ATP6V1E2: variants seen among roughly 807,000 people sequenced by gnomAD.
ATP6V1E2 encodes V-type proton ATPase subunit E 2.
For missense variants in ATP6V1E2, 308 were observed against 273.3 expected (o/e 1.13, Z -0.90); for synonymous variants, 121 against 104.2 (o/e 1.16, Z -0.98).
intron 4 of ATP6V1E2, among the ~76,000 whole-genome samples, chr2:46,529,822 G>T (rs1036020146): frequency 1.3e-5 from 2 of 152,006 alleles, no homozygotes; most frequent in Admixed American, 6.6e-5. Context: ...GAATGATTTG[G>T]GTGGTGAGGA....
At chr2:46,514,107 C>G (rs1220303601) in intron 4 of ATP6V1E2, among the ~76,000 whole-genome samples, 2 of 151,756 alleles carry the variant, frequency 1.3e-5, no homozygotes, top group Non-Finnish European at 2.9e-5. Context: ...TGGTGAAATC[C>G]CATCTCTACT....
At chr2:46,539,547 T>C (rs1004995725) in intron 2 of ATP6V1E2, among the ~76,000 whole-genome samples, 3 of 152,272 alleles carry the variant, frequency 2.0e-5, no homozygotes, top group Admixed American at 6.5e-5. Flanking sequence ...GCCTTTGGCC[T>C]TTGTACAGTG....
chr2:46,520,689 T>C (rs967917385), intron 4 of ATP6V1E2, among the ~76,000 whole-genome samples: 1 of 152,226 alleles, frequency 6.6e-6, no homozygotes, highest in Non-Finnish European at 1.5e-5. Context: ...GTTTTCCAGA[T>C]ACAATTCAGA....
At position 46,530,621 on chromosome 2, in the gene ATP6V1E2, T is replaced by C. The variant is rs1480933623; in HGVS notation, c.-102+5192A>G. Among the ~76,000 whole-genome samples, 1 of 152,212 alleles carries C rather than the reference T, an allele frequency of 6.6e-6. No individual in the cohort carries two copies. Among genetic ancestry groups the C allele is most frequent in the Non-Finnish European group, 1.5e-5 (1 of 68,036 alleles). ...CAGCTATTCTTTCTTCCTTTTTTCC[T>C]CTTTTCCTGATGTATTAGTTTGTTC... is the stretch of plus-strand genomic sequence containing the variant. On this transcript the variant is annotated intron_variant, in intron 4 of 4. Coordinates refer to ENST00000522587, the MANE Select transcript of ATP6V1E2 (RefSeq NM_001318063.2). The surrounding 1 kb of genome is among the most constrained non-coding windows in gnomAD (Gnocchi z 5.2).
In ATP6V1E2 at chr2:46,511,999, G is replaced by A; in HGVS notation, c.*32C>T. On this transcript the variant is annotated 3_prime_UTR_variant, in exon 5 of 5. Coordinates refer to ENST00000522587, the MANE Select transcript of ATP6V1E2 (RefSeq NM_001318063.2). ...AAAAAACTTAAACTTTTATGGTTTAGTGGTTCAACACTAGCTTCACTTCCC... is the reference window on the plus strand; with the variant it reads ...AAAAAACTTAAACTTTTATGGTTTAATGGTTCAACACTAGCTTCACTTCCC... 1 of 1,525,784 alleles carries A rather than the reference G, an allele frequency of 6.6e-7. No homozygotes were observed. The allele number at this position is 1,525,784 out of a possible 1,614,324, so 94.5% of individuals were successfully genotyped here.
chr2:46,512,891 C>G, intron 4 of ATP6V1E2, 79 bp from the exon 5 acceptor site: 1 of 570,028 alleles, frequency 1.8e-6, no homozygotes. Context: ...ATATACCCCT[C>G]ACTTCACAGA....
chr2:46,520,555 C>G (rs997972900), intron 4 of ATP6V1E2, among the ~76,000 whole-genome samples: 36 of 152,206 alleles, frequency 2.4e-4, no homozygotes, highest in African/African-American at 8.7e-4. Context: ...AGCTTTGGCT[C>G]ATGCTGTTGT....
intron 4 of ATP6V1E2, 142 bp from the exon 5 acceptor site, chr2:46,512,954 A>G (rs1189906497): frequency 4.4e-6 from 2 of 451,368 alleles, no homozygotes; most frequent in African/African-American, 2.0e-5. Flanking sequence ...GTTATACTCT[A>G]GAAGAATGAG....
At position 46,535,952 on chromosome 2, in the gene ATP6V1E2, A is replaced by G. The variant is rs1667422392; in HGVS notation, c.-216-25T>C. 1 of 152,178 alleles carries G rather than the reference A, an allele frequency of 6.6e-6. No homozygotes were observed. The highest frequency in any genetic ancestry group is 2.4e-5 in the African/African-American group (1 of 41,444). 9.4% of individuals were successfully genotyped at this position (152,178 alleles called of 1,614,324 possible). On this transcript the variant is annotated intron_variant, in intron 3 of 4. Transcript: ENST00000522587. The surrounding 1 kb of genome is among the most constrained non-coding windows in gnomAD (Gnocchi z 4.4). ...TCTGAAACATAAAATAAAATCATTAATTTCATTTTTGGAGGAGGGATCTGT... is the reference window on the plus strand; with the variant it reads ...TCTGAAACATAAAATAAAATCATTAGTTTCATTTTTGGAGGAGGGATCTGT...
At chr2:46,536,552 A>T (rs767422051) in intron 3 of ATP6V1E2, 59 bp downstream of exon 3, 6 of 152,358 alleles carry the variant, frequency 3.9e-5, no homozygotes, top group Non-Finnish European at 8.8e-5. Flanking sequence ...GGGAAGAAGC[A>T]TAACATAACA....
At chr2:46,538,693 T>G (rs1193309654) in intron 2 of ATP6V1E2, among the ~76,000 whole-genome samples, 1 of 152,122 alleles carries the variant, frequency 6.6e-6, no homozygotes, top group East Asian at 1.9e-4. Context: ...TTTAGCTATA[T>G]TTCCTTGGAC....
At chr2:46,518,490 A>AACACACACACACACAC (rs10546147) in intron 4 of ATP6V1E2, among the ~76,000 whole-genome samples, 7,509 of 140,774 alleles carry the variant, frequency 0.053, 290 homozygotes, top group Admixed American at 0.084. Context: ...ACACACACAC[A>AACACACACACACACAC]ACACACACAC....
chr2:46,519,903 T>A (rs1377539998), intron 4 of ATP6V1E2: 1 of 152,214 alleles, frequency 6.6e-6, no homozygotes, highest in African/African-American at 2.4e-5. Flanking sequence ...ATTCTAGTCT[T>A]GCCTGTTTGT....
chr2:46,525,052 G>T (rs1485505886), intron 4 of ATP6V1E2, among the ~76,000 whole-genome samples: 1 of 152,164 alleles, frequency 6.6e-6, no homozygotes, highest in East Asian at 1.9e-4. Flanking sequence ...CGAGGGCCAG[G>T]ACACAAGACA....
chr2:46,519,544 C>T (rs1314409533), intron 4 of ATP6V1E2: 1 of 152,306 alleles, frequency 6.6e-6, no homozygotes, highest in Non-Finnish European at 1.5e-5. Context: ...TCGGCGTGGA[C>T]TCTGCAGTCA....
At chr2:46,520,641 T>G (rs1666571321) in intron 4 of ATP6V1E2, among the ~76,000 whole-genome samples, 1 of 152,236 alleles carries the variant, frequency 6.6e-6, no homozygotes, top group African/African-American at 2.4e-5. Context: ...CACCACTCCT[T>G]GATCTCTGGA....
At chr2:46,525,480 A>G (rs1417801537) in intron 4 of ATP6V1E2, among the ~76,000 whole-genome samples, 1 of 148,580 alleles carries the variant, frequency 6.7e-6, no homozygotes, top group Non-Finnish European at 1.5e-5. Context: ...AAAAAAAGAA[A>G]AAAAAAAAAG....
chr2:46,540,429 C>G (rs1367854040), intron 2 of ATP6V1E2, among the ~76,000 whole-genome samples: 3 of 94,348 alleles, frequency 3.2e-5, no homozygotes, highest in African/African-American at 1.4e-4. Context: ...AGAGCAAGAC[C>G]CTATCTCAAA....
intron 4 of ATP6V1E2, among the ~76,000 whole-genome samples, chr2:46,525,417 G>A (rs927285136): frequency 2.1e-5 from 3 of 142,560 alleles, no homozygotes; most frequent in East Asian, 2.0e-4. Flanking sequence ...AGCCGAGATC[G>A]CGCCACAGCA....
Sources: gnomAD v4.1 joint callset for allele counts (sites outside exome capture counted in the v4.1 genomes callset) on GRCh38, gnomAD v4.1.1 for gene constraint, Gnocchi (gnomAD v3.1) non-coding constraint, MANE v1.5 for transcripts, NCBI Gene and HGNC (gene_info 2026-07-23, HGNC 2026-07-21) for gene names.